CNIH3: variants seen among roughly 807,000 people sequenced by gnomAD.
CNIH3 encodes protein cornichon homolog 3.
A neutral mutation model predicts 24.1 loss-of-function variants in CNIH3; 14 were observed. The observed-to-expected ratio is 0.58, with a 90% confidence interval of 0.38 to 0.91. CNIH3 has a LOEUF of 0.91. Among genes scored for constraint, CNIH3 ranks in the 40% least tolerant of loss-of-function variants. CNIH3 has a pLI of 0.00. For synonymous variants in CNIH3, 68 were observed against 73.8 expected (o/e 0.92, Z 0.40); for missense variants, 178 against 196.8 (o/e 0.90, Z 0.57).
chr1:224,600,810 G>A (rs1215982319), intron 3 of CNIH3, among the ~76,000 whole-genome samples: 5 of 152,190 alleles, frequency 3.3e-5, no homozygotes, highest in Middle Eastern at 3.2e-3. Context: ...GGTCATAAGG[G>A]TGCAACCTTA....
intron 5 of CNIH3, among the ~76,000 whole-genome samples, chr1:224,737,304 C>T (rs1035152582): frequency 6.6e-6 from 1 of 152,124 alleles, no homozygotes; most frequent in African/African-American, 2.4e-5. Flanking sequence ...GTGTTCCAGA[C>T]AGTCTGTTTG....
chr1:224,449,393 A>T (rs1675297979), intron 1 of CNIH3, among the ~76,000 whole-genome samples: 1 of 152,108 alleles, frequency 6.6e-6, no homozygotes, highest in Non-Finnish European at 1.5e-5. Flanking sequence ...CATTGCCACT[A>T]ATAGTTTGGG....
intron 1 of CNIH3, among the ~76,000 whole-genome samples, chr1:224,468,863 G>T (rs573690030): frequency 6.6e-6 from 1 of 151,374 alleles, no homozygotes; most frequent in Non-Finnish European, 1.5e-5. Flanking sequence ...GTGATGCCAT[G>T]TTCCTGATAT....
At chr1:224,696,682 A>G (rs1001530154) in intron 3 of CNIH3, among the ~76,000 whole-genome samples, 2 of 152,158 alleles carry the variant, frequency 1.3e-5, no homozygotes, top group African/African-American at 4.8e-5. Flanking sequence ...CCCAATAGGT[A>G]CCAATCTGAA....
In CNIH3 at chr1:224,616,797, C is replaced by T. The variant is rs1411359440; in HGVS notation, c.-378C>T. ...GAGCTCTTCCTGGGGCGAATGGGAC[C>T]TCCTCCCTCGGTCCTCCGTGGAGTC... On this transcript the variant is annotated 5_prime_UTR_variant, in exon 1 of 6. Coordinates refer to ENST00000272133, the MANE Select transcript of CNIH3 (RefSeq NM_152495.2). 7 of 1,062,448 alleles carry T rather than the reference C, an allele frequency of 6.6e-6. No homozygotes were observed. Among genetic ancestry groups the T allele is most frequent in the East Asian group, 7.5e-5 (1 of 13,410 alleles). 65.8% of individuals were successfully genotyped at this position (1,062,448 alleles called of 1,614,324 possible).
Position 224,684,726 on chromosome 1 carries a change from G to A in CNIH3, c.151-70G>A, listed in dbSNP as rs1190494367. The A allele has an allele frequency of 5.1e-5, 71 of 1,397,714 alleles. No individual in the cohort carries two copies. The East Asian group carries it at 1.6e-3, about 32-fold the overall frequency. The allele number at this position is 1,397,714 out of a possible 1,614,324, so 86.6% of individuals were successfully genotyped here. Reference sequence around the variant, plus strand: ...GCCTCCACTATTGGGGCTGATTGCGGGGCCTTCTCATGCTATTTTAGCAGA... The same window carrying A: ...GCCTCCACTATTGGGGCTGATTGCGAGGCCTTCTCATGCTATTTTAGCAGA... On this transcript the variant is annotated intron_variant, in intron 2 of 5. Coordinates refer to ENST00000272133, the MANE Select transcript of CNIH3 (RefSeq NM_152495.2). The surrounding 1 kb of genome is among the most constrained non-coding windows in gnomAD (Gnocchi z 4.2).
At chr1:224,737,523 G>A (rs1689656759) in intron 5 of CNIH3, among the ~76,000 whole-genome samples, 1 of 152,078 alleles carries the variant, frequency 6.6e-6, no homozygotes, top group African/African-American at 2.4e-5. Context: ...TCCCACCTTA[G>A]GAGCTGCCAG....
chr1:224,670,771 C>T (rs185738447), intron 1 of CNIH3, among the ~76,000 whole-genome samples: 24 of 152,188 alleles, frequency 1.6e-4, no homozygotes, highest in African/African-American at 4.6e-4. Context: ...CACCAAGCCC[C>T]ACTGGCCAGG....
intron 3 of CNIH3, among the ~76,000 whole-genome samples, chr1:224,714,017 G>A (rs1258936521): frequency 6.6e-6 from 1 of 152,078 alleles, no homozygotes; most frequent in Non-Finnish European, 1.5e-5. Flanking sequence ...ATTTCACCAT[G>A]TTGTCCAGGC....
chr1:224,435,167 C>T (rs775863426), intron 1 of CNIH3: 33 of 986,074 alleles, frequency 3.3e-5, no homozygotes, highest in Non-Finnish European at 3.6e-5. Flanking sequence ...GGGACTGCAC[C>T]TTCTCCATCA....
chr1:224,731,468 A>G (rs940499618), intron 4 of CNIH3, among the ~76,000 whole-genome samples: 20 of 152,208 alleles, frequency 1.3e-4, no homozygotes, highest in African/African-American at 4.6e-4. Flanking sequence ...ATTTGCGCAG[A>G]TAAGTTGCCT....
chr1:224,462,637 ATT>A (rs34550181), intron 1 of CNIH3, among the ~76,000 whole-genome samples: 21 of 119,370 alleles, frequency 1.8e-4, no homozygotes, highest in Admixed American at 1.5e-3. Context: ...TCTGGACCCA[ATT>A]TTTTTTTTTT....
At chr1:224,642,896 A>G (rs1348806813) in intron 1 of CNIH3, among the ~76,000 whole-genome samples, 2 of 152,180 alleles carry the variant, frequency 1.3e-5, no homozygotes, top group East Asian at 1.9e-4. Context: ...CAGTTGGGAC[A>G]CTGTGAACTG....
At chr1:224,699,659 A>G (rs1687376227) in intron 3 of CNIH3, among the ~76,000 whole-genome samples, 1 of 152,196 alleles carries the variant, frequency 6.6e-6, no homozygotes, top group South Asian at 2.1e-4. Context: ...TGACAGCAAT[A>G]ATTTAAGCAT....
At chr1:224,724,552 C>T (rs185699946) in intron 3 of CNIH3, among the ~76,000 whole-genome samples, 15 of 152,314 alleles carry the variant, frequency 9.8e-5, no homozygotes, top group African/African-American at 3.6e-4. Flanking sequence ...GAGGGATCCT[C>T]TGTTTTAGGG....
chr1:224,645,299 A>G (rs529864916), intron 1 of CNIH3, among the ~76,000 whole-genome samples: 23 of 152,128 alleles, frequency 1.5e-4, no homozygotes, highest in Admixed American at 2.6e-4. Flanking sequence ...GTGTCTGGCC[A>G]TTACTTGGTG....
chr1:224,706,566 A>C (rs187467912), intron 3 of CNIH3, among the ~76,000 whole-genome samples: 5 of 152,262 alleles, frequency 3.3e-5, no homozygotes, highest in African/African-American at 7.2e-5. Context: ...CAGTACCAAC[A>C]AACTGGATTT....
chr1:224,442,313 G>C (rs1349082659), intron 1 of CNIH3, among the ~76,000 whole-genome samples: 1 of 152,070 alleles, frequency 6.6e-6, no homozygotes, highest in East Asian at 1.9e-4. Flanking sequence ...TCTCTTACTG[G>C]GGTTTGTATC....
intron 2 of CNIH3, among the ~76,000 whole-genome samples, chr1:224,683,438 C>T (rs553650899): frequency 2.4e-3 from 373 of 152,338 alleles, no homozygotes; most frequent in Non-Finnish European, 3.6e-3. Context: ...AACTCTTCTG[C>T]GAGGTCTTAG....
Sources: allele counts gnomAD v4.1 joint callset (sites outside exome capture counted in the v4.1 genomes callset), GRCh38; gene constraint gnomAD v4.1.1; non-coding constraint Gnocchi (gnomAD v3.1); transcripts MANE v1.5; gene names NCBI Gene and HGNC (gene_info 2026-07-23, HGNC 2026-07-21).